MPDZ: variants seen among roughly 807,000 people sequenced by gnomAD.
The protein encoded by MPDZ is multiple PDZ domain crumbs cell polarity complex component, also known as multiple PDZ domain protein.
Under a neutral mutation model 239.1 loss-of-function variants are expected in MPDZ, and 234 were observed. The ratio of observed to expected loss-of-function variants is 0.98; its 90% CI spans 0.88 to 1.09. The LOEUF (loss-of-function observed/expected upper bound fraction) is 1.09. Among genes scored for constraint, MPDZ ranks in the 50% least tolerant of loss-of-function variants. The pLI is 0.00. For missense variants in MPDZ, 3,175 were observed against 2,510.0 expected, an observed-to-expected ratio of 1.26 and a Z score of -5.66; for synonymous variants, 1,048 against 881.3, an observed-to-expected ratio of 1.19 and a Z score of -3.35.
intron 10 of MPDZ, among the ~76,000 whole-genome samples, chr9:13,207,450 C>T (rs950067286): frequency 1.3e-5 from 2 of 152,194 alleles, no homozygotes; most frequent in Non-Finnish European, 2.9e-5. Context: ...ATTCCTCTGA[C>T]TTGCAGTTCT....
chr9:13,199,183 C>T (rs1382983838), intron 12 of MPDZ, among the ~76,000 whole-genome samples: 1 of 151,912 alleles, frequency 6.6e-6, no homozygotes, highest in East Asian at 1.9e-4. Flanking sequence ...TTTTCAATTT[C>T]TCTCATCAGT....
intron 15 of MPDZ, among the ~76,000 whole-genome samples, chr9:13,190,756 T>C (rs1483069100): frequency 3.3e-5 from 5 of 152,194 alleles, no homozygotes; most frequent in Non-Finnish European, 5.9e-5. Context: ...CTTGTGCATA[T>C]GGTTATTTCA....
chr9:13,136,425 A>C (rs1008149653), intron 30 of MPDZ, among the ~76,000 whole-genome samples: 1 of 135,932 alleles, frequency 7.4e-6, no homozygotes, highest in South Asian at 2.4e-4. Flanking sequence ...TCCGCCTCCC[A>C]GGTTCAAGTG....
rs546245262 is a variant in MPDZ at position 13,152,819 on chromosome 9, T to C, written c.3453-2131A>G. On this transcript the variant is annotated intron_variant, in intron 24 of 46. Transcript: ENST00000319217. Reference sequence around the variant, plus strand: ...CACAAAATAAAGACATGAATTCATATGTAATAACTGCAAATAGCTGTAAGC... The same window carrying C: ...CACAAAATAAAGACATGAATTCATACGTAATAACTGCAAATAGCTGTAAGC... Among the ~76,000 whole-genome samples, 5 of 152,210 alleles carry C rather than the reference T, an allele frequency of 3.3e-5. No individual in the cohort carries two copies. The South Asian group carries it at 6.2e-4, about 19-fold the overall frequency.
At chr9:13,165,575 G>C in intron 22 of MPDZ, 10 of 652,494 alleles carry the variant, frequency 1.5e-5, no homozygotes, top group Non-Finnish European at 2.3e-5. Flanking sequence ...CCCCAGAAAA[G>C]CATCTGCTCT....
chr9:13,175,685 C>T, intron 21 of MPDZ, 67 bp downstream of exon 21: 2 of 1,479,688 alleles, frequency 1.4e-6, no homozygotes, highest in Non-Finnish European at 1.8e-6. Context: ...TGAAATTTAC[C>T]ATGTTCAATA....
intron 3 of MPDZ, among the ~76,000 whole-genome samples, chr9:13,225,509 T>C (rs985801): frequency 0.98 from 149,394 of 152,006 alleles, 73,462 homozygotes; most frequent in Middle Eastern, 1. Flanking sequence ...GATTCACCTA[T>C]AGTAACTTCC....
At chr9:13,186,960 C>G (rs1954192779) in intron 17 of MPDZ, among the ~76,000 whole-genome samples, 1 of 152,102 alleles carries the variant, frequency 6.6e-6, no homozygotes, top group African/African-American at 2.4e-5. Flanking sequence ...AACCAAATCT[C>G]TACATATCCA....
intron 19 of MPDZ, among the ~76,000 whole-genome samples, chr9:13,177,369 T>C (rs866404383): frequency 6.6e-6 from 1 of 152,176 alleles, no homozygotes; most frequent in African/African-American, 2.4e-5. Flanking sequence ...TGGCTTCTAC[T>C]TCCATTCGCT....
intron 36 of MPDZ, among the ~76,000 whole-genome samples, 166 bp downstream of exon 36, chr9:13,122,987 T>TC (rs1443906469): frequency 1.3e-5 from 2 of 152,132 alleles, no homozygotes; most frequent in African/African-American, 4.8e-5. Flanking sequence ...AAAGGAAACC[T>TC]CCCCCGTATC....
Position 13,223,661 on chromosome 9 carries a change from A to G in MPDZ, c.443T>C (p.Leu148Pro), listed in dbSNP as rs773503212. 6.2e-7 allele frequency: 1 copy of G among 1,611,810 alleles called. No homozygotes were observed. ...FELLKPPSGGLGFSVVGLRSE... is the reference protein window; with the variant it reads ...FELLKPPSGGPGFSVVGLRSE... ...TCTTAGTCCCACAACACTAAACCCA[A>G]GGCCTCCAGATGGAGGTTTGAGGAG... The change falls in exon 5 of 47, where the codon CTT (leucine) becomes CCT (proline). Residue 148 changes from leucine to proline, a missense_variant. Transcript: ENST00000319217.
chr9:13,247,300 A>G (rs754585951), intron 3 of MPDZ, among the ~76,000 whole-genome samples: 8 of 152,228 alleles, frequency 5.3e-5, no homozygotes, highest in Non-Finnish European at 8.8e-5. Flanking sequence ...GCAAGATCAC[A>G]TGAACAATGA....
chr9:13,197,769 C>A (rs762579221), intron 12 of MPDZ, among the ~76,000 whole-genome samples: 1 of 151,978 alleles, frequency 6.6e-6, no homozygotes, highest in Non-Finnish European at 1.5e-5. Flanking sequence ...TCAAACTCTT[C>A]CAAGCCTCTG....
intron 42 of MPDZ, 59 bp downstream of exon 42, chr9:13,112,952 A>G (rs1001305639): frequency 7.0e-7 from 1 of 1,429,258 alleles, no homozygotes; most frequent in Non-Finnish European, 9.6e-7. Flanking sequence ...ACAAGAAAAC[A>G]CATATGAAGA....
At chr9:13,168,815 A>C (rs1266304480) in intron 21 of MPDZ, among the ~76,000 whole-genome samples, 1 of 152,166 alleles carries the variant, frequency 6.6e-6, no homozygotes, top group Non-Finnish European at 1.5e-5. Context: ...AATGAATGTA[A>C]TTTAGACCAT....
rs781418452 is a variant in MPDZ, at chr9:13,108,982, C to T, written c.6020G>A (p.Ser2007Asn). ...ATAAATGGGTAAGTCTCCATGAGGG[C>T]TGCCATATCCTCCAACTATACTGAA... is the stretch of plus-strand genomic sequence containing the variant. ...LGFSIVGGYGSPHGDLPIYVK... is the reference protein window; with the variant it reads ...LGFSIVGGYGNPHGDLPIYVK... The change falls in exon 46 of 47, where the codon AGC becomes AAC. Residue 2007 changes from serine to asparagine, a missense_variant. Coordinates refer to ENST00000319217, the MANE Select transcript of MPDZ (RefSeq NM_001378778.1). 3 of 1,607,556 alleles carry T rather than the reference C, an allele frequency of 1.9e-6. No homozygotes were observed. In the South Asian group the frequency reaches 3.3e-5, roughly 18 times the overall value.
chr9:13,145,817 T>C (rs538891758), intron 26 of MPDZ, among the ~76,000 whole-genome samples: 7 of 151,920 alleles, frequency 4.6e-5, no homozygotes, highest in Non-Finnish European at 7.4e-5. Flanking sequence ...GTGCCTGACA[T>C]TGAAAGGAAT....
intron 24 of MPDZ, among the ~76,000 whole-genome samples, chr9:13,152,711 A>G (rs1237297849): frequency 6.6e-6 from 1 of 151,502 alleles, no homozygotes; most frequent in South Asian, 2.1e-4. Flanking sequence ...TCTCCTTACT[A>G]TTCCTTAAGT....
At chr9:13,143,315 C>G in intron 27 of MPDZ, 151 bp downstream of exon 27, 1 of 578,092 alleles carries the variant, frequency 1.7e-6, no homozygotes, top group Non-Finnish European at 3.1e-6. Flanking sequence ...AAGAAAGGAT[C>G]TGCATGCCCA....
Sources: gnomAD v4.1 joint callset for allele counts (sites outside exome capture counted in the v4.1 genomes callset) on GRCh38, gnomAD v4.1.1 for gene constraint, MANE v1.5 for transcripts, NCBI Gene and HGNC (gene_info 2026-07-23, HGNC 2026-07-21) for gene names.